The following CPNE8 variants were observed in gnomAD, a reference collection of about 807,000 sequenced individuals.
CPNE8 encodes the protein copine-8.
In CPNE8, 45 loss-of-function variants were observed where a neutral mutation model predicts 81.5. That is an observed-to-expected ratio of 0.55 (90% CI 0.44 to 0.71). The LOEUF is 0.71. Among genes scored for constraint, CPNE8 ranks in the 30% least tolerant of loss-of-function variants. CPNE8 has a pLI of 0.00. For missense variants in CPNE8, 594 were observed against 672.1 expected, an observed-to-expected ratio of 0.88 and a Z score of 1.28; for synonymous variants, 252 against 226.3, an observed-to-expected ratio of 1.11 and a Z score of -1.02.
At chr12:38,725,663 C>T (rs997537576) in intron 11 of CPNE8, among the ~76,000 whole-genome samples, 2 of 152,088 alleles carry the variant, frequency 1.3e-5, no homozygotes, top group Admixed American at 1.3e-4. Flanking sequence ...TTAACTTAAA[C>T]TAAGGCTTCA....
intron 8 of CPNE8, among the ~76,000 whole-genome samples, chr12:38,765,766 C>T (rs1343966622): frequency 1.3e-5 from 2 of 151,992 alleles, no homozygotes; most frequent in Non-Finnish European, 2.9e-5. Context: ...GATTCACCAA[C>T]TTTTAAAAAT....
rs146806470 is a variant in CPNE8 at position 38,749,357 on chromosome 12, C to T, written c.722+11490G>A. On this transcript the variant is annotated intron_variant, in intron 10 of 19. Coordinates refer to ENST00000331366, the MANE Select transcript of CPNE8 (RefSeq NM_153634.3). ...TATGTCTTTATCAGCAGCCTGAAAA[C>T]AGGCTAATACACTAAATTGGTACCA... Among the ~76,000 whole-genome samples, 711 of 150,716 alleles carry T rather than the reference C, an allele frequency of 4.7e-3. 5 individuals are homozygous for T. The highest frequency in any genetic ancestry group is 0.016 in the African/African-American group (660 of 40,078).
At chr12:38,803,634 C>A (rs928360198) in intron 6 of CPNE8, among the ~76,000 whole-genome samples, 2 of 145,674 alleles carry the variant, frequency 1.4e-5, no homozygotes, top group Non-Finnish European at 3.0e-5. Context: ...TCCTATTCAA[C>A]ATAGTGTTGG....
intron 6 of CPNE8, among the ~76,000 whole-genome samples, chr12:38,817,036 C>A (rs1035165540): frequency 6.6e-6 from 1 of 152,166 alleles, no homozygotes; most frequent in South Asian, 2.1e-4. Context: ...TGAATGAATA[C>A]AAACACTAAC....
chr12:38,873,861 C>T (rs1448605569), intron 2 of CPNE8, among the ~76,000 whole-genome samples: 2 of 152,154 alleles, frequency 1.3e-5, no homozygotes, highest in African/African-American at 2.4e-5. Context: ...ATTTTCAATA[C>T]CTCTAATTAG....
chr12:38,718,495 C>A (rs1051689978), intron 13 of CPNE8, among the ~76,000 whole-genome samples: 1 of 151,932 alleles, frequency 6.6e-6, no homozygotes, highest in African/African-American at 2.4e-5. Context: ...CAGGTGAAAA[C>A]TGACAAGGAC....
intron 5 of CPNE8, among the ~76,000 whole-genome samples, chr12:38,836,382 T>C (rs1019973673): frequency 6.6e-6 from 1 of 152,172 alleles, no homozygotes; most frequent in African/African-American, 2.4e-5. Context: ...GTCATATTTA[T>C]TTGCAATGTT....
At chr12:38,693,248 T>G (rs1684396) in intron 15 of CPNE8, among the ~76,000 whole-genome samples, 1 of 151,922 alleles carries the variant, frequency 6.6e-6, no homozygotes, top group Admixed American at 6.6e-5. Context: ...ATTCCAGGCA[T>G]CTCTAGCCAT....
At chr12:38,881,094 C>T (rs553643768) in intron 1 of CPNE8, among the ~76,000 whole-genome samples, 1 of 151,986 alleles carries the variant, frequency 6.6e-6, no homozygotes, top group African/African-American at 2.4e-5. Flanking sequence ...CCTTCATTCC[C>T]GGCTACTCGG....
chr12:38,818,906 T>C (rs1329358167), intron 6 of CPNE8, among the ~76,000 whole-genome samples: 1 of 152,248 alleles, frequency 6.6e-6, no homozygotes, highest in Non-Finnish European at 1.5e-5. Flanking sequence ...TTTTTTCATA[T>C]GTTTGTTGGC....
Position 38,653,823 on chromosome 12 carries a change from C to T in CPNE8, c.*59G>A. 2 of 1,570,680 alleles carry T rather than the reference C, an allele frequency of 1.3e-6. No individual in the cohort carries two copies. Among genetic ancestry groups the T allele is most frequent in the Non-Finnish European group, 1.7e-6 (2 of 1,163,994 alleles). On this transcript the variant is annotated 3_prime_UTR_variant, in exon 20 of 20. Transcript: ENST00000331366. Reference sequence around the variant, plus strand: ...GCCTGGTTCATTACAGAGCACCAGGCACAAAGCATTAACTCAGCACTTTTG... The same window carrying T: ...GCCTGGTTCATTACAGAGCACCAGGTACAAAGCATTAACTCAGCACTTTTG...
rs147488793 is a variant in CPNE8 at position 38,698,276 on chromosome 12, T to A, written c.962-4438A>T. Among the ~76,000 whole-genome samples the A allele has an allele frequency of 7.2e-3, 1,095 of 152,328 alleles. 38 individuals are homozygous for A. Among genetic ancestry groups the A allele is most frequent in the Admixed American group, 0.061 (927 of 15,292 alleles). ...TGGATTATTTGTCTTTTTATTGAAT[T>A]GTAAGTTATTTATATATTCTAGGTT... On this transcript the variant is annotated intron_variant, in intron 14 of 19. Coordinates refer to ENST00000331366, the MANE Select transcript of CPNE8 (RefSeq NM_153634.3).
chr12:38,722,832 G>A (rs1300914854), intron 13 of CPNE8, among the ~76,000 whole-genome samples: 1 of 152,082 alleles, frequency 6.6e-6, no homozygotes, highest in Non-Finnish European at 1.5e-5. Context: ...GGAGGGATTT[G>A]GTGGGAGGTG....
chr12:38,807,530 G>T (rs1038580548), intron 6 of CPNE8, among the ~76,000 whole-genome samples: 12 of 150,238 alleles, frequency 8.0e-5, no homozygotes, highest in African/African-American at 2.9e-4. Flanking sequence ...AAATTGTGCT[G>T]GGAAAACTGG....
chr12:38,842,032 C>CA (rs55757005), intron 4 of CPNE8, among the ~76,000 whole-genome samples: 1,518 of 131,598 alleles, frequency 0.012, 7 homozygotes, highest in African/African-American at 0.014. Context: ...TTTACAATAG[C>CA]AAAAAAAAAA....
intron 13 of CPNE8, among the ~76,000 whole-genome samples, chr12:38,703,565 C>T (rs1041740453): frequency 6.6e-6 from 1 of 152,132 alleles, no homozygotes; most frequent in East Asian, 1.9e-4. Flanking sequence ...GATGCCCACT[C>T]TCACCACTCC....
intron 6 of CPNE8, among the ~76,000 whole-genome samples, chr12:38,791,506 T>A (rs909580500): frequency 3.3e-5 from 5 of 151,502 alleles, no homozygotes; most frequent in African/African-American, 1.2e-4. Flanking sequence ...TACTTAGAAT[T>A]GCACAATAAT....
At position 38,806,605 on chromosome 12, in the gene CPNE8, A is replaced by G. The variant is rs540723992; in HGVS notation, c.407+22774T>C. Among the ~76,000 whole-genome samples the G allele has an allele frequency of 2.8e-3, 413 of 148,328 alleles. 13 individuals carry two copies. Among genetic ancestry groups the G allele is most frequent in the Admixed American group, 0.024 (357 of 14,810 alleles). ...TTAGGTACTGATGGGACGTATCTCA[A>G]AATAATAAGAGCTATCTATGACAAA... On this transcript the variant is annotated intron_variant, in intron 6 of 19. Transcript: ENST00000331366.
intron 18 of CPNE8, among the ~76,000 whole-genome samples, chr12:38,673,265 C>A (rs1316155708): frequency 6.6e-6 from 1 of 152,158 alleles, no homozygotes; most frequent in Non-Finnish European, 1.5e-5. Context: ...GTCAATTAGA[C>A]CTCTTTCCTT....
Sources: gnomAD v4.1 joint callset for allele counts (sites outside exome capture counted in the v4.1 genomes callset) on GRCh38, gnomAD v4.1.1 for gene constraint, MANE v1.5 for transcripts, NCBI Gene and HGNC (gene_info 2026-07-23, HGNC 2026-07-21) for gene names.